PDE8B: variants seen among roughly 807,000 people sequenced by gnomAD.
The protein encoded by PDE8B is high affinity cAMP-specific and IBMX-insensitive 3',5'-cyclic phosphodiesterase 8B.
A neutral mutation model predicts 101.3 loss-of-function variants in PDE8B; 26 were observed. That is an observed-to-expected ratio of 0.26 (90% CI 0.19 to 0.36). The LOEUF is 0.36. PDE8B is among the 10% of genes least tolerant of loss of function. The probability of loss-of-function intolerance (pLI) is 1.00; values close to 1 mark genes in which losing one functional copy is unlikely to be tolerated. For synonymous variants in PDE8B, 424 were observed against 429.3 expected, an observed-to-expected ratio of 0.99 and a Z score of 0.15; for missense variants, 810 against 1,163.1, an observed-to-expected ratio of 0.70 and a Z score of 4.42.
the PDE8B span, among the ~76,000 whole-genome samples, chr5:77,171,273 G>A: frequency 5.1e-4 from 77 of 152,248 alleles, no homozygotes; most frequent in African/African-American, 1.8e-3. Context: ...CTTGGAAATG[G>A]CACTTTGTCC....
At chr5:77,271,042 G>A (rs1022214666) in intron 1 of PDE8B, among the ~76,000 whole-genome samples, 1 of 152,222 alleles carries the variant, frequency 6.6e-6, no homozygotes, top group African/African-American at 2.4e-5. Context: ...CACTGGCTAA[G>A]CTCCCAAGGG....
At chr5:77,149,669 T>C in the PDE8B span, among the ~76,000 whole-genome samples, 1 of 152,214 alleles carries the variant, frequency 6.6e-6, no homozygotes, top group Non-Finnish European at 1.5e-5. Context: ...TGCTGATATA[T>C]ACAAATACAA....
the PDE8B span, among the ~76,000 whole-genome samples, chr5:77,165,119 A>G: frequency 2.7e-4 from 41 of 152,324 alleles, no homozygotes; most frequent in African/African-American, 9.9e-4. Context: ...ATGGAGCTGG[A>G]AAGAGATGTG....
chr5:77,105,953 T>G, the PDE8B span: 2 of 152,236 alleles, frequency 1.3e-5, no homozygotes, highest in African/African-American at 4.8e-5. Context: ...TCCATGTGCT[T>G]ATTAGTCATT....
chr5:77,255,143 AC>A (rs912547873), intron 1 of PDE8B, among the ~76,000 whole-genome samples: 1 of 152,068 alleles, frequency 6.6e-6, no homozygotes, highest in African/African-American at 2.4e-5. Context: ...CAAGGATCAG[AC>A]TTGTTCTCAG....
At chr5:77,341,001 C>T (rs1341415917) in intron 6 of PDE8B, among the ~76,000 whole-genome samples, 1 of 151,976 alleles carries the variant, frequency 6.6e-6, no homozygotes, top group Admixed American at 6.6e-5. Flanking sequence ...TTCTAGTTTT[C>T]CAACTTTTTA....
chr5:77,391,773 TG>T (rs1157003176), intron 10 of PDE8B, among the ~76,000 whole-genome samples: 1 of 152,254 alleles, frequency 6.6e-6, no homozygotes. Context: ...TGTTGTGTTT[TG>T]TTTGTTTTTT....
chr5:77,226,829 T>C (rs1454422069), intron 1 of PDE8B, among the ~76,000 whole-genome samples: 1 of 152,232 alleles, frequency 6.6e-6, no homozygotes, highest in African/African-American at 2.4e-5. Flanking sequence ...TTCATTTTCA[T>C]GGAGGTGTGA....
At chr5:77,299,880 G>C (rs993387352) in intron 1 of PDE8B, among the ~76,000 whole-genome samples, 3 of 152,160 alleles carry the variant, frequency 2.0e-5, no homozygotes, top group African/African-American at 7.2e-5. Flanking sequence ...CTAGTTTACA[G>C]TCCCACCAAC....
intron 20 of PDE8B, among the ~76,000 whole-genome samples, chr5:77,424,584 A>G (rs1462518113): frequency 1.3e-5 from 2 of 152,216 alleles, no homozygotes; most frequent in African/African-American, 4.8e-5. Context: ...CAGTGAAAAT[A>G]ATGGTCCATG....
intron 1 of PDE8B, among the ~76,000 whole-genome samples, chr5:77,215,691 G>T (rs1262585481): frequency 6.6e-6 from 1 of 152,198 alleles, no homozygotes; most frequent in African/African-American, 2.4e-5. Context: ...GCTGGTGAGG[G>T]CAGGGCAGAT....
chr5:77,164,629 A>G, the PDE8B span, among the ~76,000 whole-genome samples: 1 of 152,156 alleles, frequency 6.6e-6, no homozygotes, highest in African/African-American at 2.4e-5. Flanking sequence ...AAAACAACCC[A>G]TATGCCCTGC....
At position 77,285,020 on chromosome 5, in the gene PDE8B, C is replaced by T. The variant is rs1374913914; in HGVS notation, c.340-26974C>T. Among the ~76,000 whole-genome samples the T allele has an allele frequency of 5.9e-5, 9 of 152,242 alleles. No individual in the cohort carries two copies. The East Asian group carries it at 1.7e-3, about 29-fold the overall frequency. The stretch of plus-strand genomic sequence containing the variant: ...GTGTCACTATATTTCCAGTTTGTGC[C>T]CCACTGTCCCAGCTTATGCCTAGAC... On this transcript the variant is annotated intron_variant, in intron 1 of 21. Transcript: ENST00000264917.
the PDE8B span, among the ~76,000 whole-genome samples, chr5:77,157,045 A>G: frequency 6.6e-6 from 1 of 152,094 alleles, no homozygotes; most frequent in Non-Finnish European, 1.5e-5. Context: ...CAGCAGGGTG[A>G]TCATGGCTTC....
chr5:77,109,004 A>G, the PDE8B span, among the ~76,000 whole-genome samples: 2 of 152,330 alleles, frequency 1.3e-5, no homozygotes, highest in Admixed American at 1.3e-4. Flanking sequence ...CCCATTGACC[A>G]TCCTACAAGT....
chr5:77,184,534 AAAC>A, the PDE8B span, among the ~76,000 whole-genome samples: 2 of 152,196 alleles, frequency 1.3e-5, no homozygotes, highest in Admixed American at 6.5e-5. Flanking sequence ...TTGCCTACAA[AAAC>A]AACAACTTAG....
intron 7 of PDE8B, among the ~76,000 whole-genome samples, chr5:77,348,735 T>C (rs1780574820): frequency 6.6e-6 from 1 of 152,144 alleles, no homozygotes; most frequent in East Asian, 1.9e-4. Flanking sequence ...TGGGCTGGAG[T>C]GCAACGGTGC....
intron 2 of PDE8B, among the ~76,000 whole-genome samples, chr5:77,322,986 A>C (rs1187242328): frequency 6.6e-6 from 1 of 152,240 alleles, no homozygotes. Context: ...GTGTCAAGGA[A>C]ATATAAATTG....
chr5:77,205,441 T>G, the PDE8B span, among the ~76,000 whole-genome samples: 6 of 152,292 alleles, frequency 3.9e-5, no homozygotes, highest in African/African-American at 1.4e-4. Flanking sequence ...CTCTCTTTCT[T>G]TTTTCCTCTC....
Sources: gnomAD v4.1 joint callset for allele counts (sites outside exome capture counted in the v4.1 genomes callset) on GRCh38, gnomAD v4.1.1 for gene constraint, MANE v1.5 for transcripts, NCBI Gene and HGNC (gene_info 2026-07-23, HGNC 2026-07-21) for gene names.